Variants in DCLK1 observed in about 807,000 individuals in gnomAD.
DCLK1 encodes doublecortin like kinase 1.
DCLK1 carries 16 observed loss-of-function variants against 86.2 expected under a neutral mutation model. That is an observed-to-expected ratio of 0.19 (90% CI 0.13 to 0.28). The LOEUF is 0.28. Among genes scored for constraint, DCLK1 ranks in the 10% least tolerant of loss-of-function variants. DCLK1 has a pLI of 1.00. For synonymous variants in DCLK1, 369 were observed against 370.5 expected, an observed-to-expected ratio of 1.00 and a Z score of 0.05; for missense variants, 590 against 940.2, an observed-to-expected ratio of 0.63 and a Z score of 4.87.
intron 4 of DCLK1, among the ~76,000 whole-genome samples, chr13:35,901,709 T>C (rs1874378658): frequency 6.6e-6 from 1 of 151,920 alleles, no homozygotes. Flanking sequence ...TCCATCCTTC[T>C]CCTCAGGCCC....
intron 3 of DCLK1, among the ~76,000 whole-genome samples, chr13:35,953,564 C>T (rs1291156058): frequency 6.6e-6 from 1 of 152,126 alleles, no homozygotes; most frequent in Admixed American, 6.5e-5. Context: ...CTTGTCATTA[C>T]GCACAGTCGT....
chr13:36,028,088 T>C lies in DCLK1; in HGVS notation c.724-80631A>G, dbSNP rs532543173. Among the ~76,000 whole-genome samples, 5 of 152,284 alleles carry C rather than the reference T, an allele frequency of 3.3e-5. No individual in the cohort carries two copies. In the South Asian group the frequency reaches 1.0e-3, roughly 32 times the overall value. On this transcript the variant is annotated intron_variant, in intron 3 of 16. Transcript: ENST00000360631. ...ATATTTGATTTTTAAGTTAATCAAGTTGATGTTTTAGAAGACTTGCTTTTC... is the reference window on the plus strand; with the variant it reads ...ATATTTGATTTTTAAGTTAATCAAGCTGATGTTTTAGAAGACTTGCTTTTC...
intron 3 of DCLK1, among the ~76,000 whole-genome samples, chr13:35,955,995 C>T (rs1877957425): frequency 6.6e-6 from 1 of 152,128 alleles, no homozygotes; most frequent in South Asian, 2.1e-4. Context: ...TGGTCTTTTG[C>T]CAAGTTAATA....
chr13:35,981,451 G>A (rs962056370), intron 3 of DCLK1, among the ~76,000 whole-genome samples: 2 of 152,002 alleles, frequency 1.3e-5, no homozygotes, highest in African/African-American at 4.8e-5. Context: ...GCACCAGAGG[G>A]GACATTTGCT....
At chr13:35,796,220 G>T (rs1047962520) in intron 15 of DCLK1, among the ~76,000 whole-genome samples, 2 of 152,116 alleles carry the variant, frequency 1.3e-5, no homozygotes, top group Admixed American at 1.3e-4. Context: ...AGAGTTCCAG[G>T]CTACCTCGGG....
chr13:35,906,999 AAC>A (rs1203314816), intron 4 of DCLK1, among the ~76,000 whole-genome samples: 2 of 152,138 alleles, frequency 1.3e-5, no homozygotes, highest in Non-Finnish European at 2.9e-5. Flanking sequence ...TAACCTTAAA[AAC>A]AGTGTCACCT....
At chr13:36,037,866 T>G (rs1882564444) in intron 3 of DCLK1, among the ~76,000 whole-genome samples, 1 of 151,878 alleles carries the variant, frequency 6.6e-6, no homozygotes, top group African/African-American at 2.4e-5. Context: ...AAAAAGAAAA[T>G]TTAAAAAATA....
rs181921428 is a variant in DCLK1 at position 35,888,261 on chromosome 13, A to T, written c.824-16921T>A. Among the ~76,000 whole-genome samples the T allele has an allele frequency of 2.9e-3, 439 of 152,294 alleles. 3 individuals are homozygous for T. Among genetic ancestry groups the T allele is most frequent in the Non-Finnish European group, 3.9e-3 (262 of 68,020 alleles). On this transcript the variant is annotated intron_variant, in intron 4 of 16. Transcript: ENST00000360631. ...TGGTTGTATTGTTTAATTTTAAAGC[A>T]CCCTCTTCATGAACAATTTATCTAT... is the stretch of plus-strand genomic sequence containing the variant.
chr13:35,888,507 A>T (rs1309554132), intron 4 of DCLK1, among the ~76,000 whole-genome samples: 2 of 149,796 alleles, frequency 1.3e-5, no homozygotes, highest in African/African-American at 4.9e-5. Context: ...GTGGCTTGAA[A>T]TGAATTCCCC....
At chr13:35,958,234 CCAT>C (rs1235342349) in intron 3 of DCLK1, among the ~76,000 whole-genome samples, 15 of 138,068 alleles carry the variant, frequency 1.1e-4, no homozygotes, top group African/African-American at 3.2e-4. Flanking sequence ...ACTATAACCA[CCAT>C]CATCACCACC....
At chr13:35,858,360 G>C (rs1871197370) in intron 5 of DCLK1, among the ~76,000 whole-genome samples, 1 of 152,222 alleles carries the variant, frequency 6.6e-6, no homozygotes, top group Non-Finnish European at 1.5e-5. Flanking sequence ...TTGAACGGAA[G>C]CACCTTAGGT....
intron 7 of DCLK1, 125 bp from the exon 8 acceptor site, chr13:35,836,266 C>G (rs2153107487): frequency 1.2e-6 from 1 of 804,730 alleles, no homozygotes; most frequent in East Asian, 2.6e-5. Context: ...ATTCTCTGTA[C>G]AGTGAGGCAA....
intron 5 of DCLK1, among the ~76,000 whole-genome samples, chr13:35,870,087 AC>A (rs1872160040): frequency 6.6e-6 from 1 of 152,056 alleles, no homozygotes. Flanking sequence ...TCACCTTTAA[AC>A]TACAGAGGCA....
intron 4 of DCLK1, among the ~76,000 whole-genome samples, chr13:35,930,836 T>G (rs908169574): frequency 2.6e-5 from 4 of 152,170 alleles, no homozygotes; most frequent in African/African-American, 7.2e-5. Flanking sequence ...AGGATACTGC[T>G]CCACTTCAAT....
intron 4 of DCLK1, among the ~76,000 whole-genome samples, chr13:35,928,567 G>A (rs566952857): frequency 4.6e-5 from 7 of 152,134 alleles, no homozygotes; most frequent in Admixed American, 2.0e-4. Context: ...CTTACCTTCC[G>A]ATACACTAAG....
intron 3 of DCLK1, among the ~76,000 whole-genome samples, chr13:36,029,194 C>T (rs992647226): frequency 2.0e-5 from 3 of 152,182 alleles, no homozygotes; most frequent in African/African-American, 7.2e-5. Flanking sequence ...ACAGTGACAC[C>T]TACTCTTTCT....
intron 3 of DCLK1, among the ~76,000 whole-genome samples, chr13:35,971,525 G>A (rs562540848): frequency 6.6e-6 from 1 of 152,316 alleles, no homozygotes; most frequent in South Asian, 2.1e-4. Flanking sequence ...CACTTTGGGA[G>A]GCTGAGGCGA....
chr13:36,072,451 C>T (rs762809273), intron 3 of DCLK1, among the ~76,000 whole-genome samples: 11 of 152,172 alleles, frequency 7.2e-5, no homozygotes, highest in Non-Finnish European at 1.3e-4. Context: ...TGAGCTCATC[C>T]GGTTTTATTG....
intron 3 of DCLK1, among the ~76,000 whole-genome samples, chr13:36,021,800 T>C (rs1881794734): frequency 6.6e-6 from 1 of 152,060 alleles, no homozygotes; most frequent in Admixed American, 6.6e-5. Flanking sequence ...ACAATAATAG[T>C]TAGAGACCTC....
Sources: allele counts gnomAD v4.1 joint callset (sites outside exome capture counted in the v4.1 genomes callset), GRCh38; gene constraint gnomAD v4.1.1; transcripts MANE v1.5; gene names NCBI Gene and HGNC (gene_info 2026-07-23, HGNC 2026-07-21).